Variants in AK5 observed in about 807,000 individuals in gnomAD.
The protein encoded by AK5 is adenylate kinase isoenzyme 5.
In AK5, 27 loss-of-function variants were observed where a neutral mutation model predicts 69.5. The observed-to-expected ratio is 0.39, with a 90% CI of 0.29 to 0.54. The LOEUF is 0.54. AK5 is among the 20% of genes least tolerant of loss of function. The probability of loss-of-function intolerance (pLI) is 0.71; values close to 1 mark genes in which losing one functional copy is unlikely to be tolerated. For synonymous variants in AK5, 260 were observed against 244.4 expected (o/e 1.06, Z -0.60); for missense variants, 531 against 700.4 (o/e 0.76, Z 2.73).
intron 8 of AK5, among the ~76,000 whole-genome samples, chr1:77,457,442 C>T (rs1653562090): frequency 6.6e-6 from 1 of 152,114 alleles, no homozygotes; most frequent in Non-Finnish European, 1.5e-5. Flanking sequence ...CATTTTCTAC[C>T]TAAATTTTCT....
chr1:77,475,397 TA>T (rs1654823403), intron 8 of AK5, among the ~76,000 whole-genome samples: 2 of 9,320 alleles, frequency 2.1e-4, no homozygotes, highest in Non-Finnish European at 2.7e-4. Context: ...TGTATATATA[TA>T]ATATATATGT....
At chr1:77,391,483 ATGTGTG>A (rs377483838) in intron 6 of AK5, among the ~76,000 whole-genome samples, 36 of 92,440 alleles carry the variant, frequency 3.9e-4, no homozygotes, top group African/African-American at 1.5e-3. Context: ...GTGTGTGTGT[ATGTGTG>A]TGTGTGTATA....
intron 6 of AK5, among the ~76,000 whole-genome samples, chr1:77,391,479 G>A (rs1345003123): frequency 1.2e-4 from 6 of 49,784 alleles, no homozygotes; most frequent in East Asian, 8.8e-4. Flanking sequence ...ATATGTGTGT[G>A]TGTATGTGTG....
intron 5 of AK5, among the ~76,000 whole-genome samples, chr1:77,312,923 T>C (rs1993266): frequency 0.067 from 10,241 of 152,118 alleles, 440 homozygotes; most frequent in Non-Finnish European, 0.085. Flanking sequence ...AGCTGCCTTT[T>C]AAGAACCTAT....
Position 77,411,169 on chromosome 1 carries a change from G to A in AK5, c.982+98G>A, listed in dbSNP as rs1650020554. On this transcript the variant is annotated intron_variant, in intron 7 of 13. Coordinates refer to ENST00000354567, the MANE Select transcript of AK5 (RefSeq NM_174858.3). ...GTTGAAGTTCAACAAACTGCTGCAA[G>A]TTTTGAAGGATGACAAAGTCTTATA... 1.4e-5 allele frequency: 13 copies of A among 961,640 alleles called. No homozygotes were observed. In the South Asian group the frequency reaches 1.6e-4, roughly 12 times the overall value. The allele number at this position is 961,640 out of a possible 1,614,324, so 59.6% of individuals were successfully genotyped here. A position where few individuals can be genotyped will look rare whatever the true frequency, so the allele number is the denominator to read the frequency against.
In AK5 at chr1:77,342,002, G is replaced by A. The variant is rs545836205; in HGVS notation, c.891+1434G>A. 2.0e-4 allele frequency among the ~76,000 whole-genome samples: 31 copies of A among 152,190 alleles called. No individual in the cohort carries two copies. In the South Asian group the frequency reaches 5.6e-3, roughly 27 times the overall value. On this transcript the variant is annotated intron_variant, in intron 6 of 13. Coordinates refer to ENST00000354567, the MANE Select transcript of AK5 (RefSeq NM_174858.3). ...CAACCTCCATCTCCTGGGTTCAAGCGATTCTCCTACCTCAGCCTCCCAAGT... is the reference window on the plus strand; with the variant it reads ...CAACCTCCATCTCCTGGGTTCAAGCAATTCTCCTACCTCAGCCTCCCAAGT...
rs144275413 is a variant in AK5 at position 77,293,279 on chromosome 1, T to TTGAA, written c.248-505_248-502dup. Among the ~76,000 whole-genome samples, 375 of 152,274 alleles carry TTGAA rather than the reference T, an allele frequency of 2.5e-3. 1 individual carries two copies. The highest frequency in any genetic ancestry group is 4.2e-3 in the Non-Finnish European group (286 of 68,020). On this transcript the variant is annotated intron_variant, in intron 2 of 13. Transcript: ENST00000354567. ...GTAGAAAGCAGCTTATCTATATTTGTTGAATGAATGAAATACACAATATAT... is the reference window on the plus strand; with the variant it reads ...GTAGAAAGCAGCTTATCTATATTTGTTGAATGAATGAATGAAATACACAATATAT...
intron 8 of AK5, among the ~76,000 whole-genome samples, chr1:77,477,295 T>G (rs1013427347): frequency 6.6e-6 from 1 of 152,224 alleles, no homozygotes; most frequent in Admixed American, 6.5e-5. Context: ...TCCAAAGTGC[T>G]GGGATTATAG....
Position 77,417,681 on chromosome 1 carries a change from A to C in AK5, c.1025A>C (p.Glu342Ala). The change falls in exon 8 of 14, where the codon GAG (glutamate) becomes GCG (alanine). Residue 342 changes from glutamate to alanine, a missense_variant. Coordinates refer to ENST00000354567, the MANE Select transcript of AK5 (RefSeq NM_174858.3). ...CCTTCGATGATATTGGACACTGGAG[A>C]GATCATTGATACAGGATCTGATTAT... ...LDPSMILDTG[E>A]IIDTGSDYED... 1.2e-6 allele frequency: 2 copies of C among 1,608,872 alleles called. No homozygotes were observed. Among genetic ancestry groups the C allele is most frequent in the Non-Finnish European group, 1.7e-6 (2 of 1,176,378 alleles).
intron 10 of AK5, among the ~76,000 whole-genome samples, chr1:77,510,894 T>C (rs1433764355): frequency 1.3e-5 from 2 of 151,434 alleles, no homozygotes; most frequent in African/African-American, 4.8e-5. Context: ...ATAAACTAGA[T>C]ACATGTATCT....
chr1:77,403,278 T>C (rs1480350634), intron 6 of AK5, among the ~76,000 whole-genome samples: 4 of 152,242 alleles, frequency 2.6e-5, no homozygotes, highest in Non-Finnish European at 5.9e-5. Flanking sequence ...TTTCTTTTTC[T>C]GTGCAGAAGC....
At chr1:77,321,938 A>G (rs953471046) in intron 5 of AK5, among the ~76,000 whole-genome samples, 6 of 152,218 alleles carry the variant, frequency 3.9e-5, no homozygotes, top group Admixed American at 3.3e-4. Flanking sequence ...TAGCAAGGTC[A>G]TGGAATACAA....
chr1:77,523,680 T>C (rs1210499830), intron 12 of AK5, among the ~76,000 whole-genome samples: 2 of 152,162 alleles, frequency 1.3e-5, no homozygotes, highest in Non-Finnish European at 2.9e-5. Flanking sequence ...TTTTATTTAT[T>C]TTTATTTTTG....
chr1:77,365,196 A>AT (rs1646929721), intron 6 of AK5, among the ~76,000 whole-genome samples: 1 of 151,988 alleles, frequency 6.6e-6, no homozygotes, highest in South Asian at 2.1e-4. Context: ...TCAATGGCTC[A>AT]TTTTTTAATT....
At chr1:77,388,407 G>T (rs1357624029) in intron 6 of AK5, among the ~76,000 whole-genome samples, 1 of 152,168 alleles carries the variant, frequency 6.6e-6, no homozygotes, top group African/African-American at 2.4e-5. Flanking sequence ...TACATTTAGA[G>T]AACAAATTAA....
chr1:77,521,707 T>C, intron 11 of AK5, 120 bp from the exon 12 acceptor site: 1 of 667,840 alleles, frequency 1.5e-6, no homozygotes, highest in African/African-American at 1.8e-5. Flanking sequence ...TCAATTGCTG[T>C]CTGCTGTTAA....
intron 13 of AK5, among the ~76,000 whole-genome samples, chr1:77,554,535 G>A (rs1472711617): frequency 6.6e-6 from 1 of 152,178 alleles, no homozygotes; most frequent in Non-Finnish European, 1.5e-5. Context: ...TCCCAGGCAC[G>A]CCTCATACAG....
intron 10 of AK5, among the ~76,000 whole-genome samples, chr1:77,497,688 G>A (rs894589371): frequency 6.7e-6 from 1 of 149,302 alleles, no homozygotes; most frequent in African/African-American, 2.5e-5. Context: ...CCCAAGTTCA[G>A]GTGATCCTCC....
chr1:77,452,029 A>G (rs1265177602), intron 8 of AK5, among the ~76,000 whole-genome samples: 1 of 152,224 alleles, frequency 6.6e-6, no homozygotes, highest in Non-Finnish European at 1.5e-5. Context: ...AGTTAAACAT[A>G]TCTTTCGGTT....
Sources: gnomAD v4.1 joint callset for allele counts (sites outside exome capture counted in the v4.1 genomes callset) on GRCh38, gnomAD v4.1.1 for gene constraint, MANE v1.5 for transcripts, NCBI Gene and HGNC (gene_info 2026-07-23, HGNC 2026-07-21) for gene names.